The following CLTCL1 variants were observed in gnomAD, a reference collection of about 807,000 sequenced individuals.
CLTCL1 encodes the protein clathrin heavy chain like 1.
CLTCL1 carries 159 observed loss-of-function variants against 190.0 expected under a neutral mutation model. The ratio of observed to expected loss-of-function variants is 0.84; its 90% CI spans 0.74 to 0.95. The LOEUF (loss-of-function observed/expected upper bound fraction) is 0.95, where lower values mean the gene tolerates loss of function less well. Among genes scored for constraint, CLTCL1 ranks in the 40% least tolerant of loss-of-function variants. The pLI, the probability that CLTCL1 is intolerant of heterozygous loss-of-function variation, is 0.00. For synonymous variants in CLTCL1, 752 were observed against 769.6 expected (o/e 0.98, Z 0.38); for missense variants, 1,878 against 2,033.4 (o/e 0.92, Z 1.47).
chr22:19,273,794 C>T (rs1249916286), intron 2 of CLTCL1, among the ~76,000 whole-genome samples: 1 of 152,088 alleles, frequency 6.6e-6, no homozygotes, highest in African/African-American at 2.4e-5. Flanking sequence ...TTAGACTACC[C>T]CCTAAATCAT....
intron 1 of CLTCL1, among the ~76,000 whole-genome samples, chr22:19,285,250 G>C (rs1223128746): frequency 2.0e-5 from 3 of 151,950 alleles, no homozygotes; most frequent in African/African-American, 7.3e-5. Flanking sequence ...ACTCCAGCCT[G>C]GGCAACAGAA....
rs1555973543 is a variant in CLTCL1, at chr22:19,257,905, T to C, written c.251-3678A>G. 3.0e-6 allele frequency: 4 copies of C among 1,319,636 alleles called. No homozygotes were observed. The East Asian group carries it at 1.7e-4, about 56-fold the overall frequency. 81.7% of individuals were successfully genotyped at this position (1,319,636 alleles called of 1,614,324 possible). ...AGACCCCAGGTCAGAGACTGGGCCA[T>C]TACTTCAAGACCACTGAGAAGCTGA... is the stretch of plus-strand genomic sequence containing the variant. On this transcript the variant is annotated intron_variant, in intron 2 of 32. Transcript: ENST00000427926.
At chr22:19,204,956 T>C (rs1049154790) in intron 22 of CLTCL1, among the ~76,000 whole-genome samples, 4 of 152,224 alleles carry the variant, frequency 2.6e-5, no homozygotes. Context: ...GCTTCTGCTC[T>C]GGCCCACAGC....
In CLTCL1 at chr22:19,222,763, C is replaced by T. The variant is rs782113628; in HGVS notation, c.2339G>A (p.Arg780His). The T allele has an allele frequency of 1.7e-5, 28 of 1,600,380 alleles. No homozygotes were observed. In the African/African-American group the frequency reaches 2.0e-4, roughly 11 times the overall value. Reference protein sequence around the residue: ...DQLPLIIVCDRFGFVHDLVLY... With the variant: ...DQLPLIIVCDHFGFVHDLVLY... ...GACAAGGTCATGGACAAAGCCAAAA[C>T]GATCACACACGATGATGAGGGGAAG... Residue 780 changes from arginine (R) to histidine (H), a missense_variant, in exon 15 of 33, where the codon CGT becomes CAT. Arg to His is a conservative substitution (Grantham distance 29). Coordinates refer to ENST00000427926, the MANE Select transcript of CLTCL1 (RefSeq NM_007098.4).
intron 2 of CLTCL1, among the ~76,000 whole-genome samples, 171 bp downstream of exon 2, chr22:19,275,452 G>C (rs1382691373): frequency 6.6e-6 from 1 of 151,980 alleles, no homozygotes; most frequent in East Asian, 1.9e-4. Context: ...GGTGCTCAGG[G>C]GCCTCTTACT....
intron 18 of CLTCL1, among the ~76,000 whole-genome samples, chr22:19,219,447 A>G (rs2085497066): frequency 1.3e-5 from 2 of 150,476 alleles, no homozygotes; most frequent in African/African-American, 4.9e-5. Flanking sequence ...GGCCTCCCAA[A>G]GTGCTAGGAT....
chr22:19,194,590 C>T (rs894005079), intron 26 of CLTCL1, among the ~76,000 whole-genome samples: 27 of 152,224 alleles, frequency 1.8e-4, no homozygotes, highest in South Asian at 4.1e-4. Flanking sequence ...CTGAAAGAAG[C>T]GCCCACCGGA....
intron 4 of CLTCL1, among the ~76,000 whole-genome samples, chr22:19,242,552 C>T (rs1181381060): frequency 2.0e-5 from 3 of 151,002 alleles, no homozygotes; most frequent in African/African-American, 7.3e-5. Context: ...CTTCGGCCTC[C>T]CAAAGTGTTG....
chr22:19,212,661 AAG>A, intron 19 of CLTCL1, among the ~76,000 whole-genome samples: 1 of 149,996 alleles, frequency 6.7e-6, no homozygotes, highest in South Asian at 2.3e-4. Context: ...GAAAGAAAGA[AAG>A]AAAAGAAAGA....
intron 22 of CLTCL1, among the ~76,000 whole-genome samples, chr22:19,202,120 C>T (rs1555939996): frequency 1.3e-5 from 2 of 152,154 alleles, no homozygotes; most frequent in African/African-American, 2.4e-5. Flanking sequence ...TGAATTCCTG[C>T]AGCCCTGTCC....
At chr22:19,202,123 C>G (rs1412930657) in intron 22 of CLTCL1, among the ~76,000 whole-genome samples, 1 of 152,030 alleles carries the variant, frequency 6.6e-6, no homozygotes, top group Non-Finnish European at 1.5e-5. Context: ...ATTCCTGCAG[C>G]CCTGTCCATG....
chr22:19,214,989 G>C (rs1555948802), intron 19 of CLTCL1, among the ~76,000 whole-genome samples: 1 of 152,210 alleles, frequency 6.6e-6, no homozygotes, highest in African/African-American at 2.4e-5. Flanking sequence ...AAAACTGTCT[G>C]GTGAAATCAT....
At chr22:19,199,202 G>A (rs1314288653) in intron 24 of CLTCL1, among the ~76,000 whole-genome samples, 1 of 152,132 alleles carries the variant, frequency 6.6e-6, no homozygotes, top group African/African-American at 2.4e-5. Flanking sequence ...TGGAAGCCCA[G>A]GTCCCTAAAC....
chr22:19,213,919 A>C (rs1238508254), intron 19 of CLTCL1, among the ~76,000 whole-genome samples: 1 of 150,918 alleles, frequency 6.6e-6, no homozygotes, highest in Non-Finnish European at 1.5e-5. Flanking sequence ...CCCTTCCAGA[A>C]GGTCATTTTT....
At chr22:19,219,320 G>C (rs1337809879) in intron 18 of CLTCL1, among the ~76,000 whole-genome samples, 3 of 151,174 alleles carry the variant, frequency 2.0e-5, no homozygotes, top group African/African-American at 7.3e-5. Flanking sequence ...CTCCTGAGTA[G>C]CTGGGATTAC....
chr22:19,235,552 A>G, intron 6 of CLTCL1, 144 bp downstream of exon 6: 3 of 732,672 alleles, frequency 4.1e-6, no homozygotes, highest in Non-Finnish European at 4.6e-6. Context: ...AAGTGTCAAT[A>G]TGAAGGAGGA....
At chr22:19,261,611 T>C (rs569637721) in intron 2 of CLTCL1, among the ~76,000 whole-genome samples, 2 of 152,270 alleles carry the variant, frequency 1.3e-5, no homozygotes, top group East Asian at 1.9e-4. Flanking sequence ...TGAATGACTT[T>C]GTGAGGTTCA....
At chr22:19,219,856 G>A (rs1217481782) in intron 18 of CLTCL1, 29 bp downstream of exon 18, 7 of 1,613,682 alleles carry the variant, frequency 4.3e-6, no homozygotes, top group Non-Finnish European at 5.9e-6. Flanking sequence ...AAATGCAGGT[G>A]TGCAGACATA....
At chr22:19,190,543 G>A (rs2084457717) in intron 27 of CLTCL1, among the ~76,000 whole-genome samples, 1 of 144,480 alleles carries the variant, frequency 6.9e-6, no homozygotes, top group South Asian at 2.2e-4. Flanking sequence ...AGGTTGCAGT[G>A]AGGTATGACC....
Sources: allele counts gnomAD v4.1 joint callset (sites outside exome capture counted in the v4.1 genomes callset), GRCh38; gene constraint gnomAD v4.1.1; transcripts MANE v1.5; gene names NCBI Gene and HGNC (gene_info 2026-07-23, HGNC 2026-07-21).